PKP2: variants seen among roughly 807,000 people sequenced by gnomAD.
The protein encoded by PKP2 is plakophilin-2.
In PKP2, 73 loss-of-function variants were observed where a neutral mutation model predicts 83.4. The observed-to-expected ratio is 0.88, with a 90% confidence interval of 0.72 to 1.06. The LOEUF (loss-of-function observed/expected upper bound fraction) is 1.06. Ranked by LOEUF, PKP2 falls within the 50% of genes least tolerant of loss-of-function variation. PKP2 has a pLI of 0.00. For missense variants in PKP2, 966 were observed against 1,065.4 expected (o/e 0.91, Z 1.30); for synonymous variants, 409 against 430.4 (o/e 0.95, Z 0.62).
At position 32,879,463 on chromosome 12, in the gene PKP2, C is replaced by T. The variant is rs149864201; in HGVS notation, c.224-431G>A. ...AGGAGAATCACTTGAACTCGGGAGA[C>T]AGAGGTTGCAGTGAGCCAAGATCAC... On this transcript the variant is annotated intron_variant, in intron 1 of 12. Coordinates refer to ENST00000340811, the MANE Select transcript of PKP2 (RefSeq NM_001005242.3). Among the ~76,000 whole-genome samples, 412 of 152,108 alleles carry T rather than the reference C, an allele frequency of 2.7e-3. 3 individuals carry two copies. Among genetic ancestry groups the T allele is most frequent in the African/African-American group, 9.5e-3 (396 of 41,488 alleles).
chr12:32,821,832 A>C, intron 8 of PKP2: 1 of 361,554 alleles, frequency 2.8e-6, no homozygotes, highest in Middle Eastern at 9.0e-4. Context: ...TGTTGAGCTA[A>C]AAGCTAAATT....
At chr12:32,875,080 C>T (rs1956921323) in intron 3 of PKP2, among the ~76,000 whole-genome samples, 1 of 152,130 alleles carries the variant, frequency 6.6e-6, no homozygotes, top group Non-Finnish European at 1.5e-5. Context: ...CTACTATAGG[C>T]CTACTTCCAT....
intron 1 of PKP2, chr12:32,893,626 G>C (rs1043318450): frequency 5.9e-5 from 9 of 152,162 alleles, no homozygotes; most frequent in African/African-American, 2.2e-4. Flanking sequence ...AGGCTGCAGA[G>C]TGTATTTCAG....
intron 1 of PKP2, chr12:32,894,614 C>T (rs937579843): frequency 3.9e-5 from 6 of 152,196 alleles, no homozygotes; most frequent in Non-Finnish European, 7.3e-5. Context: ...CAGCAACATT[C>T]CCTTTTCTTC....
intron 6 of PKP2, among the ~76,000 whole-genome samples, chr12:32,839,281 C>T (rs1406331710): frequency 6.6e-6 from 1 of 151,224 alleles, no homozygotes; most frequent in Non-Finnish European, 1.5e-5. Flanking sequence ...CAATCCAGGC[C>T]AACAGTTGCT....
At chr12:32,820,388 A>G (rs1319633407) in intron 9 of PKP2, 1 of 152,206 alleles carries the variant, frequency 6.6e-6, no homozygotes, top group East Asian at 1.9e-4. Flanking sequence ...TACTTACAGA[A>G]TACCTTAATA....
chr12:32,887,508 C>T (rs1268501324), intron 1 of PKP2, among the ~76,000 whole-genome samples: 1 of 152,206 alleles, frequency 6.6e-6, no homozygotes. Flanking sequence ...GGCTGAAGTG[C>T]AGCGGTGCGA....
chr12:32,823,939 G>A (rs777991306), intron 7 of PKP2, 106 bp downstream of exon 7: 2 of 786,326 alleles, frequency 2.5e-6, no homozygotes, highest in Non-Finnish European at 4.5e-6. Flanking sequence ...GAAGATCTTA[G>A]GCTCAGTAAA....
At chr12:32,858,079 AAAAAAATATATATAT>A (rs1956765891) in intron 4 of PKP2, among the ~76,000 whole-genome samples, 1 of 56,548 alleles carries the variant, frequency 1.8e-5, no homozygotes, top group Non-Finnish European at 3.2e-5. Flanking sequence ...AAAAAAAAAA[AAAAAAATATATATAT>A]ATATATATAT....
At chr12:32,840,222 C>A (rs568652150) in intron 6 of PKP2, among the ~76,000 whole-genome samples, 1 of 152,330 alleles carries the variant, frequency 6.6e-6, no homozygotes. Flanking sequence ...GCTGCTCTAA[C>A]ACATTTCATT....
intron 6 of PKP2, among the ~76,000 whole-genome samples, chr12:32,834,607 C>A (rs948552172): frequency 6.6e-6 from 1 of 152,106 alleles, no homozygotes; most frequent in African/African-American, 2.4e-5. Flanking sequence ...TGGTCTTACA[C>A]CTGCCCACTT....
In PKP2 at chr12:32,878,344, T is replaced by C. The variant is rs1371222715; in HGVS notation, c.536A>G (p.His179Arg). The C allele has an allele frequency of 6.2e-7, 1 of 1,613,108 alleles. No individual in the cohort carries two copies. The highest frequency in any genetic ancestry group is 1.3e-5 in the African/African-American group (1 of 74,922). ...GGCGGCCCGCCTGCTTTCTTGGTGG[T>C]GCAGGGTGTGCCCAGCCTGGCTTCT... ...SQRSQAGHTL[H>R]HQESRRAALL... The change falls in exon 3 of 13, where the codon CAC (histidine) becomes CGC (arginine). Residue 179 changes from histidine to arginine, a missense_variant. By Grantham distance (29) the His-to-Arg change is conservative. Transcript: ENST00000340811.
chr12:32,792,858 G>C (rs867191823), intron 11 of PKP2, 127 bp from the exon 12 acceptor site: 2 of 751,356 alleles, frequency 2.7e-6, no homozygotes, highest in South Asian at 2.9e-5. Context: ...ATGAAGTCAG[G>C]CCACTCGGTG....
chr12:32,842,704 C>T (rs535411922), intron 5 of PKP2, among the ~76,000 whole-genome samples: 1 of 152,182 alleles, frequency 6.6e-6, no homozygotes, highest in South Asian at 2.1e-4. Flanking sequence ...AGATGGAGTA[C>T]TGCTTTGTTG....
At chr12:32,808,252 G>T (rs1158571337) in intron 9 of PKP2, among the ~76,000 whole-genome samples, 1 of 151,824 alleles carries the variant, frequency 6.6e-6, no homozygotes, top group South Asian at 2.1e-4. Flanking sequence ...ATTCTTGTCT[G>T]CCTGTCTTAT....
intron 11 of PKP2, among the ~76,000 whole-genome samples, chr12:32,794,199 T>C (rs1294054593): frequency 2.6e-5 from 4 of 152,202 alleles, no homozygotes; most frequent in African/African-American, 9.7e-5. Context: ...CTTTTCAGAA[T>C]CACTTGGTAA....
intron 4 of PKP2, among the ~76,000 whole-genome samples, chr12:32,858,096 T>C (rs1187201079): frequency 2.4e-5 from 2 of 84,528 alleles, no homozygotes; most frequent in Non-Finnish European, 4.7e-5. Flanking sequence ...TATATATATA[T>C]ATATATATAT....
chr12:32,878,229 G>T lies in PKP2; in HGVS notation c.651C>A (p.Tyr217Ter). 1 of 1,614,220 alleles carries T rather than the reference G, an allele frequency of 6.2e-7. No individual in the cohort carries two copies. Among genetic ancestry groups the T allele is most frequent in the South Asian group, 1.1e-5 (1 of 91,084 alleles). Residue 217 changes from tyrosine (Y) to a stop codon, truncating the protein, a stop_gained, in exon 3 of 13, where the codon TAC becomes TAA. Coordinates refer to ENST00000340811, the MANE Select transcript of PKP2 (RefSeq NM_001005242.3). LOFTEE classifies it high-confidence loss of function. ...CAGAGCCATGCTGGTACTGTCTGTG[G>T]TATGTGTCAAAGTGGCGCTGCCTGC... is the stretch of plus-strand genomic sequence containing the variant. Reference protein sequence around the residue: ...TTSRQRHFDTYHRQYQHGSVS... With the variant: ...TTSRQRHFDT
At chr12:32,800,533 T>C (rs1009650712) in intron 10 of PKP2, among the ~76,000 whole-genome samples, 1 of 152,226 alleles carries the variant, frequency 6.6e-6, no homozygotes, top group Non-Finnish European at 1.5e-5. Flanking sequence ...GTAGTTTCAG[T>C]CCTGGTTCTG....
Sources: gnomAD v4.1 joint callset for allele counts (sites outside exome capture counted in the v4.1 genomes callset) on GRCh38, gnomAD v4.1.1 for gene constraint, MANE v1.5 for transcripts, NCBI Gene and HGNC (gene_info 2026-07-23, HGNC 2026-07-21) for gene names.